NCAM2: variants seen among roughly 807,000 people sequenced by gnomAD.
The protein encoded by NCAM2 is N-CAM-2.
Under a neutral mutation model 98.1 loss-of-function variants are expected in NCAM2, and 30 were observed. That is an observed-to-expected ratio of 0.31 (90% confidence interval 0.23 to 0.41). The LOEUF (loss-of-function observed/expected upper bound fraction) is 0.41, where lower values mean the gene tolerates loss of function less well. NCAM2 is among the 10% of genes least tolerant of loss of function. NCAM2 has a pLI of 1.00. For synonymous variants in NCAM2, 368 were observed against 342.4 expected, an observed-to-expected ratio of 1.07 and a Z score of -0.83; for missense variants, 867 against 1,005.8, an observed-to-expected ratio of 0.86 and a Z score of 1.87.
chr21:21,311,335 A>ATTTTTTTTTTTTTTTTTT (rs57458011), intron 5 of NCAM2, among the ~76,000 whole-genome samples: 1 of 108,620 alleles, frequency 9.2e-6, no homozygotes, highest in Non-Finnish European at 1.8e-5. Flanking sequence ...AATATGGGGC[A>ATTTTTTTTTTTTTTTTTT]TTTTTTTTTT....
intron 10 of NCAM2, among the ~76,000 whole-genome samples, chr21:21,411,540 T>G (rs1376612194): frequency 6.6e-6 from 1 of 152,066 alleles, no homozygotes; most frequent in East Asian, 1.9e-4. Context: ...ATTTATTAAT[T>G]GGAGTGTATG....
chr21:21,050,072 T>C (rs2065076605), intron 1 of NCAM2, among the ~76,000 whole-genome samples: 1 of 152,106 alleles, frequency 6.6e-6, no homozygotes. Flanking sequence ...ACTTCTCAAG[T>C]TGACTAACTA....
intron 1 of NCAM2, among the ~76,000 whole-genome samples, chr21:21,045,467 G>C (rs918381089): frequency 2.0e-5 from 3 of 152,036 alleles, no homozygotes; most frequent in Non-Finnish European, 4.4e-5. Context: ...AACATAGTGA[G>C]ACCCCCATCT....
At chr21:21,482,219 G>C (rs1985954127) in intron 15 of NCAM2, among the ~76,000 whole-genome samples, 1 of 152,104 alleles carries the variant, frequency 6.6e-6, no homozygotes, top group Non-Finnish European at 1.5e-5. Flanking sequence ...TTTAGATCTA[G>C]GTTTTGTGAG....
chr21:21,495,522 G>T (rs1033788163), intron 15 of NCAM2, among the ~76,000 whole-genome samples: 8 of 151,894 alleles, frequency 5.3e-5, no homozygotes, highest in Middle Eastern at 3.2e-3. Context: ...ACCATCTTTT[G>T]GAAAATGATC....
intron 12 of NCAM2, among the ~76,000 whole-genome samples, chr21:21,457,129 G>T (rs559635150): frequency 2.6e-5 from 4 of 152,276 alleles, no homozygotes; most frequent in African/African-American, 9.6e-5. Context: ...ATGCTAGAAA[G>T]TGTTGGCATT....
rs566210624 is a variant in NCAM2 at position 21,278,295 on chromosome 21, C to T, written c.56-2283C>T. ...TGTGGATTCCAGTAACCCCATACAT[C>T]TCTTCAGATTCAAGCTTCTTATAAG... On this transcript the variant is annotated intron_variant, in intron 1 of 17. Transcript: ENST00000400546. Among the ~76,000 whole-genome samples, 57 of 152,136 alleles carry T rather than the reference C, an allele frequency of 3.7e-4. No homozygotes were observed. In the South Asian group the frequency reaches 0.012, roughly 32 times the overall value.
chr21:21,168,822 C>G (rs1463548341), intron 1 of NCAM2, among the ~76,000 whole-genome samples: 3 of 152,104 alleles, frequency 2.0e-5, no homozygotes, highest in South Asian at 2.1e-4. Flanking sequence ...ACATTCTTAG[C>G]TTACGTGTAG....
intron 8 of NCAM2, among the ~76,000 whole-genome samples, chr21:21,356,553 A>G (rs2075485178): frequency 6.6e-6 from 1 of 152,162 alleles, no homozygotes; most frequent in African/African-American, 2.4e-5. Flanking sequence ...TATAAAATAT[A>G]AGCAGTGACT....
At chr21:21,347,053 A>T (rs1275853800) in intron 8 of NCAM2, among the ~76,000 whole-genome samples, 3 of 151,994 alleles carry the variant, frequency 2.0e-5, no homozygotes, top group Non-Finnish European at 4.4e-5. Flanking sequence ...AAATTGAATT[A>T]AAAAATACAA....
chr21:21,077,604 A>G (rs2065706708), intron 1 of NCAM2, among the ~76,000 whole-genome samples: 2 of 152,298 alleles, frequency 1.3e-5, no homozygotes, highest in Middle Eastern at 6.8e-3. Flanking sequence ...TTATAAGTAA[A>G]AACTAAAGAG....
intron 9 of NCAM2, chr21:21,385,570 C>G (rs532339258): frequency 1.2e-5 from 14 of 1,123,822 alleles, no homozygotes; most frequent in Non-Finnish European, 1.5e-5. Context: ...GAAAATTAAG[C>G]CTTTTTTTGC....
At chr21:21,224,534 G>A (rs2070302787) in intron 1 of NCAM2, among the ~76,000 whole-genome samples, 3 of 151,966 alleles carry the variant, frequency 2.0e-5, no homozygotes, top group Admixed American at 1.3e-4. Flanking sequence ...TGTTAAATAT[G>A]TTTTTAGAGG....
At chr21:21,287,254 A>G (rs2073135344) in intron 4 of NCAM2, among the ~76,000 whole-genome samples, 1 of 151,972 alleles carries the variant, frequency 6.6e-6, no homozygotes, top group African/African-American at 2.4e-5. Context: ...TTTGTGTCCA[A>G]GGGATGAAGA....
chr21:21,486,303 C>CAAAAAAAAAAA (rs67182493), intron 15 of NCAM2, among the ~76,000 whole-genome samples: 5 of 52,264 alleles, frequency 9.6e-5, no homozygotes, highest in African/African-American at 4.2e-4. Context: ...GACTCCGTCT[C>CAAAAAAAAAAA]AAAAAAAAAA....
At chr21:21,372,074 A>G (rs2075930521) in intron 8 of NCAM2, among the ~76,000 whole-genome samples, 1 of 151,822 alleles carries the variant, frequency 6.6e-6, no homozygotes, top group Admixed American at 6.6e-5. Flanking sequence ...TTGACAATAA[A>G]CGTCTAGTCA....
chr21:21,332,393 G>A (rs971190227), intron 6 of NCAM2, among the ~76,000 whole-genome samples: 7 of 152,104 alleles, frequency 4.6e-5, no homozygotes, highest in African/African-American at 1.7e-4. Context: ...GGTTAATCTG[G>A]TTCCATTACT....
intron 1 of NCAM2, among the ~76,000 whole-genome samples, chr21:21,224,473 A>T (rs1210037778): frequency 1.3e-5 from 2 of 152,184 alleles, no homozygotes; most frequent in Non-Finnish European, 2.9e-5. Flanking sequence ...TGTTTTAAAT[A>T]ATTGTTTGTA....
At chr21:21,431,580 A>G (rs983008515) in intron 11 of NCAM2, among the ~76,000 whole-genome samples, 11 of 152,146 alleles carry the variant, frequency 7.2e-5, no homozygotes, top group Non-Finnish European at 1.3e-4. Context: ...CTAATAGTTT[A>G]CAGTCTTATT....
Sources: gnomAD v4.1 joint callset for allele counts (sites outside exome capture counted in the v4.1 genomes callset) on GRCh38, gnomAD v4.1.1 for gene constraint, MANE v1.5 for transcripts, NCBI Gene and HGNC (gene_info 2026-07-23, HGNC 2026-07-21) for gene names.